Variants in SETD1A observed in about 807,000 individuals in gnomAD.
SETD1A encodes the protein histone-lysine N-methyltransferase SETD1A.
Under a neutral mutation model 149.9 loss-of-function variants are expected in SETD1A, and 29 were observed. That is an observed-to-expected ratio of 0.19 (90% CI 0.14 to 0.26). The LOEUF is 0.26. SETD1A is among the 10% of genes least tolerant of loss of function. SETD1A has a pLI of 1.00. For synonymous variants in SETD1A, 1,141 were observed against 968.5 expected (o/e 1.18, Z -3.31); for missense variants, 2,109 against 2,353.1 (o/e 0.90, Z 2.15).
chr16:30,964,442 G>C, intron 6 of SETD1A, 119 bp downstream of exon 6: 1 of 1,330,386 alleles, frequency 7.5e-7, no homozygotes, highest in Non-Finnish European at 1.0e-6. Context: ...TAGTTTCTCT[G>C]TGGATTCAGT....
rs62055865 is a variant in SETD1A at position 30,958,212 on chromosome 16, A to G, written c.-16+248A>G. 1 allele frequency: 147,805 copies of G among 147,816 alleles called. 73,897 individuals carry two copies. Among genetic ancestry groups the G allele is most frequent in the Middle Eastern group, 1 (290 of 290 alleles). The allele number at this position is 147,816 out of a possible 1,614,324, so 9.2% of individuals were successfully genotyped here. ...GGGCGGGAGGAGAGGGCAGCGGTGC[A>G]CGTTCCCCCCACCCCCCCGCCCGGA... is the stretch of plus-strand genomic sequence containing the variant. On this transcript the variant is annotated intron_variant, in intron 1 of 18. Coordinates refer to ENST00000262519, the MANE Select transcript of SETD1A (RefSeq NM_014712.3).
intron 2 of SETD1A, 104 bp downstream of exon 2, chr16:30,958,985 CA>C: frequency 1.4e-6 from 2 of 1,474,560 alleles, no homozygotes; most frequent in Non-Finnish European, 1.9e-6. Context: ...TGAAAGTGGG[CA>C]GTTGGACCCA....
rs1204453044 is a variant in SETD1A at position 30,961,412 on chromosome 16, C to T, written c.392C>T (p.Thr131Met). The change falls in exon 4 of 19, where the codon ACG becomes ATG. Residue 131 changes from threonine (T) to methionine (M), a missense_variant. This residue lies in a region of SETD1A where 62 missense variants were observed against 149.5 expected (regional missense o/e 0.41). Coordinates refer to ENST00000262519, the MANE Select transcript of SETD1A (RefSeq NM_014712.3). The surrounding 1 kb of genome is among the most constrained non-coding windows in gnomAD (Gnocchi z 4.0). ...GTAGAGATCCTCCTTCACCCCCGTACGCGCAAGCACCTGGGCCTGGCCCGT... is the reference window on the plus strand; with the variant it reads ...GTAGAGATCCTCCTTCACCCCCGTATGCGCAAGCACCTGGGCCTGGCCCGT... ...EEVEILLHPR[T>M]RKHLGLARVL... is the part of the protein sequence containing the mutation. 3 of 1,614,198 alleles carry T rather than the reference C, an allele frequency of 1.9e-6. No individual in the cohort carries two copies. The highest frequency in any genetic ancestry group is 1.7e-6 in the Non-Finnish European group (2 of 1,180,040).
In SETD1A at chr16:30,975,359, T is replaced by C. The variant is rs1000288536; in HGVS notation, c.3358+3640T>C. 1.4e-4 allele frequency among the ~76,000 whole-genome samples: 21 copies of C among 151,544 alleles called. 1 individual carries two copies. The highest frequency in any genetic ancestry group is 2.9e-4 in the Non-Finnish European group (20 of 67,878). On this transcript the variant is annotated intron_variant, in intron 13 of 18. Transcript: ENST00000262519. ...TATCAGCTCCCATGTGTCAAGTACCTATGTGTGCCAGGCTCTAGGCATAGC... is the reference window on the plus strand; with the variant it reads ...TATCAGCTCCCATGTGTCAAGTACCCATGTGTGCCAGGCTCTAGGCATAGC...
chr16:30,964,334 G>C lies in SETD1A; in HGVS notation c.869+11G>C. ...TGCCTACTCCAGCAGGTACAGAGCA[G>C]ACCCCGCCTGGGGCCCCGCCCGCAA... On this transcript the variant is annotated intron_variant, in intron 6 of 18. Coordinates refer to ENST00000262519, the MANE Select transcript of SETD1A (RefSeq NM_014712.3). 6.2e-7 allele frequency: 1 copy of C among 1,604,852 alleles called. No individual in the cohort carries two copies. Among genetic ancestry groups the C allele is most frequent in the Non-Finnish European group, 8.5e-7 (1 of 1,172,838 alleles).
In SETD1A at chr16:30,979,936, G is replaced by A. The variant is rs778312766; in HGVS notation, c.4150G>A (p.Asp1384Asn). The A allele has an allele frequency of 1.7e-4, 261 of 1,534,190 alleles. No homozygotes were observed. Among genetic ancestry groups the A allele is most frequent in the Middle Eastern group, 4.6e-4 (2 of 4,372 alleles). Residue 1384 changes from aspartate (D) to asparagine (N), a missense_variant, in exon 14 of 19, where the codon GAT becomes AAT. By Grantham distance (23) the Asp-to-Asn change is conservative. Around this residue, in one of 8 missense-constraint regions of SETD1A, gnomAD observed 832 missense variants for 815.6 expected, o/e 1.02. Coordinates refer to ENST00000262519, the MANE Select transcript of SETD1A (RefSeq NM_014712.3). ...GTCCTCTGACAGCAGCAGCAGCAGC[G>A]ATGGGGAGGGCGCCCTCCGGAGGCG... ...EESSDSSSSS[D>N]GEGALRRRSL...
At chr16:30,970,371 G>A (rs557899279) in intron 12 of SETD1A, among the ~76,000 whole-genome samples, 12 of 151,666 alleles carry the variant, frequency 7.9e-5, no homozygotes, top group East Asian at 1.9e-4. Flanking sequence ...TGGTTCCAGC[G>A]ATTTTCCTGC....
Position 30,984,384 on chromosome 16 carries a change from C to T in SETD1A, c.*361C>T, listed in dbSNP as rs780360099. On this transcript the variant is annotated 3_prime_UTR_variant, in exon 19 of 19. Coordinates refer to ENST00000262519, the MANE Select transcript of SETD1A (RefSeq NM_014712.3). ...AATGGGGACTTCCCCTTACGCCCTG[C>T]GTGTACCCCTCCCCAGTTTAGGGGT... 7 of 212,902 alleles carry T rather than the reference C, an allele frequency of 3.3e-5. No homozygotes were observed. Among genetic ancestry groups the T allele is most frequent in the East Asian group, 1.2e-4 (1 of 8,548 alleles). 13.2% of individuals were successfully genotyped at this position (212,902 alleles called of 1,614,324 possible). A position where few individuals can be genotyped will look rare whatever the true frequency, so the allele number is the denominator to read the frequency against.
intron 17 of SETD1A, among the ~76,000 whole-genome samples, chr16:30,981,607 T>C (rs1000938659): frequency 6.6e-6 from 1 of 152,210 alleles, no homozygotes; most frequent in African/African-American, 2.4e-5. Flanking sequence ...TCTCCTGATC[T>C]TGTGTTCTGC....
In SETD1A at chr16:30,979,225, C is replaced by G; in HGVS notation, c.3439C>G (p.Pro1147Ala). 6.3e-7 allele frequency: 1 copy of G among 1,595,920 alleles called. No homozygotes were observed. Among genetic ancestry groups the G allele is most frequent in the Non-Finnish European group, 8.5e-7 (1 of 1,170,852 alleles). Residue 1147 changes from proline to alanine, a missense_variant, in exon 14 of 19, where the codon CCC becomes GCC. This residue lies in a region of SETD1A where 832 missense variants were observed against 815.6 expected (regional missense o/e 1.02). Coordinates refer to ENST00000262519, the MANE Select transcript of SETD1A (RefSeq NM_014712.3). The part of the protein sequence containing the change: ...PAGPPAPAPR[P>A]DERPSSPIPL... ...TGGGCCCCCGGCCCCTGCCCCACGC[C>G]CCGATGAGCGTCCCTCTTCTCCCAT...
chr16:30,981,503 T>C (rs1334502934), intron 17 of SETD1A, among the ~76,000 whole-genome samples: 1 of 152,192 alleles, frequency 6.6e-6, no homozygotes, highest in East Asian at 1.9e-4. Flanking sequence ...GCCTCCCGAG[T>C]AGCTGGGACT....
chr16:30,974,566 A>C (rs767562929), intron 13 of SETD1A, among the ~76,000 whole-genome samples: 45 of 152,254 alleles, frequency 3.0e-4, no homozygotes, highest in Admixed American at 5.9e-4. Context: ...TGAGATAGGA[A>C]GTATCTGTTG....
rs1454130822 is a variant in SETD1A, at chr16:30,971,666, G to T, written c.3305G>T (p.Gly1102Val). 6.2e-7 allele frequency: 1 copy of T among 1,606,598 alleles called. No homozygotes were observed. Among genetic ancestry groups the T allele is most frequent in the Admixed American group, 1.7e-5 (1 of 59,536 alleles). The change falls in exon 13 of 19, where the codon GGC (glycine) becomes GTC (valine). Residue 1102 changes from glycine to valine, a missense_variant. Physicochemically the swap from Gly to Val is moderately radical, Grantham distance 109. Coordinates refer to ENST00000262519, the MANE Select transcript of SETD1A (RefSeq NM_014712.3). ...GTGCCAGTGCCGGAAAGGGTTGCAG[G>T]CTCCCCAGTCACACCCCTGCCCGAA... ...VEVPVPERVAGSPVTPLPEQE... is the reference protein window; with the variant it reads ...VEVPVPERVAVSPVTPLPEQE...
rs369583568 is a variant in SETD1A at position 30,979,743 on chromosome 16, G to A, written c.3957G>A (p.Glu1319=). 4.9e-5 allele frequency: 78 copies of A among 1,598,310 alleles called. 1 individual carries two copies. In the African/African-American group the frequency reaches 9.4e-4, roughly 19 times the overall value. ...TPPAPALRPP[E]PVPAPAALFS... ...CTGCGCCAGCCCTGCGGCCCCCGGA[G>A]CCAGTGCCCGCACCCGCCGCCCTCT... Residue 1319 remains glutamate, a synonymous_variant, in exon 14 of 19, where the codon GAG becomes GAA. Transcript: ENST00000262519.
intron 10 of SETD1A, among the ~76,000 whole-genome samples, chr16:30,968,795 G>A (rs567244520): frequency 1.3e-4 from 19 of 149,676 alleles, no homozygotes; most frequent in Non-Finnish European, 1.8e-4. Flanking sequence ...GCGAGACTCC[G>A]TCTCAAAAAA....
intron 4 of SETD1A, 71 bp from the exon 5 acceptor site, chr16:30,963,362 A>T: frequency 7.1e-7 from 1 of 1,413,066 alleles, no homozygotes; most frequent in Non-Finnish European, 9.5e-7. Flanking sequence ...GGCCTGAGAA[A>T]GCAGGAATAC....
intron 3 of SETD1A, among the ~76,000 whole-genome samples, chr16:30,960,243 C>T (rs897998841): frequency 1.3e-5 from 2 of 152,180 alleles, no homozygotes; most frequent in Admixed American, 1.3e-4. Context: ...CCTTTTGTTG[C>T]CAAGTCCATG....
At chr16:30,971,903 C>T (rs531393789) in intron 13 of SETD1A, among the ~76,000 whole-genome samples, 184 bp downstream of exon 13, 9 of 152,166 alleles carry the variant, frequency 5.9e-5, no homozygotes, top group Non-Finnish European at 1.2e-4. Flanking sequence ...CAAACTGTAC[C>T]GTCATGGTGG....
At chr16:30,973,910 T>A (rs2056255177) in intron 13 of SETD1A, among the ~76,000 whole-genome samples, 1 of 152,094 alleles carries the variant, frequency 6.6e-6, no homozygotes, top group Non-Finnish European at 1.5e-5. Context: ...GGCATGGATC[T>A]TAGTCCTCTT....
Sources: allele counts gnomAD v4.1 joint callset (sites outside exome capture counted in the v4.1 genomes callset), GRCh38; gene constraint gnomAD v4.1.1; regional missense constraint gnomAD v4.1.1; non-coding constraint Gnocchi (gnomAD v3.1); transcripts MANE v1.5; gene names NCBI Gene and HGNC (gene_info 2026-07-23, HGNC 2026-07-21).